Variants in GAS2L3 observed in about 807,000 individuals in gnomAD.
GAS2L3 encodes the protein GAS2-like protein 3.
Under a neutral mutation model 37.0 loss-of-function variants are expected in GAS2L3, and 28 were observed. That is an observed-to-expected ratio of 0.76 (90% CI 0.56 to 1.04). The LOEUF is 1.04. GAS2L3 is among the 50% of genes least tolerant of loss of function. The pLI, the probability that GAS2L3 is intolerant of heterozygous loss-of-function variation, is 0.00. For missense variants in GAS2L3, 793 were observed against 817.6 expected (o/e 0.97, Z 0.37); for synonymous variants, 290 against 296.6 (o/e 0.98, Z 0.23).
chr12:100,594,420 G>T (rs1343695405), intron 2 of GAS2L3, among the ~76,000 whole-genome samples: 5 of 152,004 alleles, frequency 3.3e-5, no homozygotes, highest in Admixed American at 1.3e-4. Context: ...TTATAGTCAA[G>T]TTTGTGAATT....
Position 100,623,701 on chromosome 12 carries a change from T to A in GAS2L3, c.896T>A (p.Val299Asp). Residue 299 changes from valine (V) to aspartate (D), a missense_variant, in exon 10 of 10, where the codon GTT becomes GAT. By Grantham distance (152) the Val-to-Asp change is radical. Coordinates refer to ENST00000547754, the MANE Select transcript of GAS2L3 (RefSeq NM_174942.3). ...EQKILAFQKG[V>D]SNESVPDSPA... ...AAAATTTTAGCATTTCAAAAAGGAG[T>A]TTCTAATGAAAGTGTACCTGATTCG... The A allele has an allele frequency of 6.2e-7, 1 of 1,613,604 alleles. No homozygotes were observed. The highest frequency in any genetic ancestry group is 8.5e-7 in the Non-Finnish European group (1 of 1,179,922).
In GAS2L3 at chr12:100,626,296, T is replaced by TAG. The variant is rs1956331701; in HGVS notation, c.*1408_*1409dup. 6.6e-6 allele frequency: 1 copy of TAG among 152,232 alleles called. No homozygotes were observed. Among genetic ancestry groups the TAG allele is most frequent in the Non-Finnish European group, 1.5e-5 (1 of 68,032 alleles). The allele number at this position is 152,232 out of a possible 1,614,324, so 9.4% of individuals were successfully genotyped here. On this transcript the variant is annotated 3_prime_UTR_variant, in exon 10 of 10. Coordinates refer to ENST00000547754, the MANE Select transcript of GAS2L3 (RefSeq NM_174942.3). ...TTTTAAGCTGGCGACTAGTGTTCTA[T>TAG]AGATTACAAAGCAAGAAAACTTTCT...
rs1482357559 is a variant in GAS2L3, at chr12:100,611,873, T to C, written c.304-127T>C. ...TAAAATAGTTTTCAAAACTATCTTT[T>C]TTCTCTAAAATTGTGTACTTTTTGG... On this transcript the variant is annotated intron_variant, in intron 5 of 9. Coordinates refer to ENST00000547754, the MANE Select transcript of GAS2L3 (RefSeq NM_174942.3). 1.2e-5 allele frequency: 8 copies of C among 673,618 alleles called. No homozygotes were observed. In the Middle Eastern group the frequency reaches 1.2e-3, roughly 97 times the overall value. The allele number at this position is 673,618 out of a possible 1,614,324, so 41.7% of individuals were successfully genotyped here.
At chr12:100,587,689 C>T (rs1955797508) in intron 1 of GAS2L3, among the ~76,000 whole-genome samples, 1 of 152,186 alleles carries the variant, frequency 6.6e-6, no homozygotes, top group African/African-American at 2.4e-5. Context: ...CAAGGATGCC[C>T]ACTCTGACCA....
At chr12:100,577,002 A>G (rs904827379) in intron 1 of GAS2L3, among the ~76,000 whole-genome samples, 2 of 152,204 alleles carry the variant, frequency 1.3e-5, no homozygotes, top group Non-Finnish European at 2.9e-5. Context: ...AATATTAGCT[A>G]TGGTGAAGGG....
rs534548489 is a variant in GAS2L3 at position 100,599,831 on chromosome 12, G to A, written c.19-551G>A. ...TAAACTTACTCAGCTAACAAGTGAA[G>A]GAAAAATATTATTTGTTGAATTCTA... On this transcript the variant is annotated intron_variant, in intron 3 of 9. Transcript: ENST00000547754. 1.4e-4 allele frequency among the ~76,000 whole-genome samples: 21 copies of A among 152,266 alleles called. No individual in the cohort carries two copies. In the South Asian group the frequency reaches 4.1e-3, roughly 30 times the overall value.
intron 1 of GAS2L3, chr12:100,580,119 G>A (rs1288377042): frequency 1.1e-6 from 1 of 896,824 alleles, no homozygotes; most frequent in Admixed American, 1.7e-5. Flanking sequence ...ATGCCACTGG[G>A]CCAAGGGGTG....
rs764812414 is a variant in GAS2L3, at chr12:100,600,412, C to G, written c.49C>G (p.Pro17Ala). The change falls in exon 4 of 10, where the codon CCT (proline) becomes GCT (alanine). Residue 17 changes from proline to alanine, a missense_variant. Transcript: ENST00000547754. Reference protein sequence around the residue: ...VWFGEDLPLSPRSPLTPRHGP... With the variant: ...VWFGEDLPLSARSPLTPRHGP... ...GTTTGGAGAAGATCTGCCTCTAAGTCCTCGGAGTCCTCTGACTCCCAGACA... is the reference window on the plus strand; with the variant it reads ...GTTTGGAGAAGATCTGCCTCTAAGTGCTCGGAGTCCTCTGACTCCCAGACA... 1 of 1,604,548 alleles carries G rather than the reference C, an allele frequency of 6.2e-7. No homozygotes were observed. The highest frequency in any genetic ancestry group is 8.5e-7 in the Non-Finnish European group (1 of 1,176,320).
chr12:100,599,329 G>T (rs74707788), intron 3 of GAS2L3, among the ~76,000 whole-genome samples: 2,882 of 152,132 alleles, frequency 0.019, 77 homozygotes, highest in African/African-American at 0.06. Flanking sequence ...TTCAAAATTT[G>T]GCAAGTGTCG....
chr12:100,592,382 CA>C (rs1407031440), intron 2 of GAS2L3: 2 of 152,042 alleles, frequency 1.3e-5, no homozygotes, highest in Non-Finnish European at 2.9e-5. Context: ...AGATTTGTAA[CA>C]GATGGAGCCA....
At chr12:100,619,196 G>GT (rs1470080101) in intron 8 of GAS2L3, among the ~76,000 whole-genome samples, 5 of 151,630 alleles carry the variant, frequency 3.3e-5, no homozygotes, top group African/African-American at 9.7e-5. Flanking sequence ...AAGATTGATG[G>GT]GTTTTTTTTT....
At position 100,624,951 on chromosome 12, in the gene GAS2L3, A is replaced by G; in HGVS notation, c.*61A>G. ...ATGAATGTGTTAGCTTCACATCTTA[A>G]AAGTTTCTCCTATTTGTGTCTGTCT... On this transcript the variant is annotated 3_prime_UTR_variant, in exon 10 of 10. Coordinates refer to ENST00000547754, the MANE Select transcript of GAS2L3 (RefSeq NM_174942.3). 1 of 1,296,092 alleles carries G rather than the reference A, an allele frequency of 7.7e-7. No individual in the cohort carries two copies. The highest frequency in any genetic ancestry group is 2.3e-5 in the East Asian group (1 of 43,350). The allele number at this position is 1,296,092 out of a possible 1,614,324, so 80.3% of individuals were successfully genotyped here. A position where few individuals can be genotyped will look rare whatever the true frequency, so the allele number is the denominator to read the frequency against.
chr12:100,618,457 T>C lies in GAS2L3; in HGVS notation c.518T>C (p.Val173Ala), dbSNP rs777256351. The C allele has an allele frequency of 6.2e-7, 1 of 1,608,588 alleles. No homozygotes were observed. Residue 173 changes from valine to alanine, a missense_variant, in exon 8 of 10, where the codon GTT (valine) becomes GCT (alanine). By Grantham distance (64) the Val-to-Ala change is moderately conservative (BLOSUM62 0). Coordinates refer to ENST00000547754, the MANE Select transcript of GAS2L3 (RefSeq NM_174942.3). ...EIGRIVSRYGVEPPVLVKLEK... is the reference protein window; with the variant it reads ...EIGRIVSRYGAEPPVLVKLEK... ...TCCTGGTTGGTTTTCAGATACGGGG[T>C]TGAGCCACCAGTGTTAGTAAAACTT...
intron 3 of GAS2L3, among the ~76,000 whole-genome samples, chr12:100,598,821 A>G (rs80156128): frequency 2.0e-5 from 3 of 152,106 alleles, no homozygotes; most frequent in Non-Finnish European, 4.4e-5. Flanking sequence ...TTTGAATTCA[A>G]CACCAAAGGA....
chr12:100,574,698 AAAAC>A (rs776866888), intron 1 of GAS2L3, among the ~76,000 whole-genome samples: 13 of 152,352 alleles, frequency 8.5e-5, no homozygotes, highest in South Asian at 2.1e-4. Flanking sequence ...TGAAGAGCAA[AAAAC>A]AAACAAACAA....
At chr12:100,574,712 A>G (rs2136354152) in intron 1 of GAS2L3, among the ~76,000 whole-genome samples, 1 of 152,334 alleles carries the variant, frequency 6.6e-6, no homozygotes, top group Middle Eastern at 3.4e-3. Flanking sequence ...CAAACAAACA[A>G]AAACAACAAG....
rs917825499 is a variant in GAS2L3, at chr12:100,624,328, C to T, written c.1523C>T (p.Pro508Leu). The T allele has an allele frequency of 1.9e-6, 3 of 1,613,882 alleles. No individual in the cohort carries two copies. The highest frequency in any genetic ancestry group is 2.7e-5 in the African/African-American group (2 of 74,894). Residue 508 changes from proline (P) to leucine (L), a missense_variant, in exon 10 of 10, where the codon CCT (proline) becomes CTT (leucine). Pro to Leu is a moderately conservative substitution (Grantham distance 98). Transcript: ENST00000547754. ...KCPKLPKANI[P>L]VRPKPSFQSS... Reference sequence around the variant, plus strand: ...CCCAAGCTGCCTAAAGCAAATATACCTGTAAGACCTAAACCTTCTTTCCAG... The same window carrying T: ...CCCAAGCTGCCTAAAGCAAATATACTTGTAAGACCTAAACCTTCTTTCCAG...
At chr12:100,589,635 G>C (rs934145201) in intron 1 of GAS2L3, among the ~76,000 whole-genome samples, 2 of 152,028 alleles carry the variant, frequency 1.3e-5, no homozygotes, top group Non-Finnish European at 2.9e-5. Flanking sequence ...AATCAAAAAA[G>C]AATAAATCTG....
At chr12:100,579,192 T>C (rs990873293) in intron 1 of GAS2L3, 4 of 640,414 alleles carry the variant, frequency 6.2e-6, no homozygotes, top group Non-Finnish European at 1.2e-5. Context: ...CTTCAAACAG[T>C]CTTAACAGAC....
Sources: allele counts gnomAD v4.1 joint callset (sites outside exome capture counted in the v4.1 genomes callset), GRCh38; gene constraint gnomAD v4.1.1; transcripts MANE v1.5; gene names NCBI Gene and HGNC (gene_info 2026-07-23, HGNC 2026-07-21).